SPOCK1: variants seen among roughly 807,000 people sequenced by gnomAD.
The protein encoded by SPOCK1 is SPARC (osteonectin), cwcv and kazal like domains proteoglycan 1.
Under a neutral mutation model 55.3 loss-of-function variants are expected in SPOCK1, and 23 were observed. That is an observed-to-expected ratio of 0.42 (90% confidence interval 0.30 to 0.59). The LOEUF is 0.59. Among genes scored for constraint, SPOCK1 ranks in the 20% least tolerant of loss-of-function variants. The probability of loss-of-function intolerance (pLI) is 0.22; values close to 1 mark genes in which losing one functional copy is unlikely to be tolerated. For missense variants in SPOCK1, 499 were observed against 552.5 expected (o/e 0.90, Z 0.97); for synonymous variants, 226 against 221.0 (o/e 1.02, Z -0.20).
chr5:137,239,110 T>G (rs766738610), intron 3 of SPOCK1, among the ~76,000 whole-genome samples: 8 of 152,204 alleles, frequency 5.3e-5, no homozygotes, highest in Non-Finnish European at 7.3e-5. Flanking sequence ...GCAGCACTAA[T>G]CCCCAATTTC....
At chr5:137,471,499 C>G (rs1034839653) in intron 2 of SPOCK1, among the ~76,000 whole-genome samples, 15 of 152,200 alleles carry the variant, frequency 9.9e-5, no homozygotes, top group African/African-American at 3.4e-4. Context: ...AATTCTCAGT[C>G]AGTAGTCACC....
Position 137,122,253 on chromosome 5 carries a change from A to ACGCGCG in SPOCK1, c.348-9693_348-9692insCGCGCG, listed in dbSNP as rs1268904039. Among the ~76,000 whole-genome samples, 421 of 112,094 alleles carry ACGCGCG rather than the reference A, an allele frequency of 3.8e-3. 1 individual carries two copies. The highest frequency in any genetic ancestry group is 0.018 in the African/African-American group (409 of 23,196). 73.5% of individuals were successfully genotyped at this position (112,094 alleles called of 152,430 possible). ...CAAAAGCAGTTATACACACACACAC[A>ACGCGCG]CACGCACACACACACACACACACAC... On this transcript the variant is annotated intron_variant, in intron 4 of 10. Transcript: ENST00000394945.
intron 6 of SPOCK1, 41 bp downstream of exon 6, chr5:137,067,674 C>A (rs766325018): frequency 1.9e-6 from 3 of 1,563,678 alleles, no homozygotes; most frequent in Admixed American, 1.7e-5. Context: ...TGTGACCCCC[C>A]ATTCCTGCCC....
At chr5:137,349,742 G>A (rs1305913725) in intron 2 of SPOCK1, among the ~76,000 whole-genome samples, 1 of 152,030 alleles carries the variant, frequency 6.6e-6, no homozygotes, top group African/African-American at 2.4e-5. Flanking sequence ...ATCTTCACAT[G>A]GTGTTCTCTC....
chr5:137,269,111 TCA>T (rs1488529810), intron 2 of SPOCK1, among the ~76,000 whole-genome samples: 4 of 139,348 alleles, frequency 2.9e-5, no homozygotes, highest in Non-Finnish European at 4.7e-5. Context: ...TAGGGAAAAA[TCA>T]CAGTTTTAAG....
intron 2 of SPOCK1, among the ~76,000 whole-genome samples, chr5:137,352,895 C>T (rs574771233): frequency 5.6e-4 from 85 of 152,216 alleles, no homozygotes; most frequent in Admixed American, 2.1e-3. Flanking sequence ...TGCAGTGACC[C>T]GTCTCCATAT....
At position 137,242,891 on chromosome 5, in the gene SPOCK1, T is replaced by C. The variant is rs544667160; in HGVS notation, c.232+24119A>G. Among the ~76,000 whole-genome samples, 3 of 152,302 alleles carry C rather than the reference T, an allele frequency of 2.0e-5. No homozygotes were observed. The South Asian group carries it at 6.2e-4, about 32-fold the overall frequency. ...TCATATGTCTTGGAGAAAGAGAATA[T>C]ATATACAAATGCTAACTAATGTGTG... On this transcript the variant is annotated intron_variant, in intron 3 of 10. Coordinates refer to ENST00000394945, the MANE Select transcript of SPOCK1 (RefSeq NM_004598.4).
intron 2 of SPOCK1, among the ~76,000 whole-genome samples, chr5:137,460,358 G>A (rs1753457249): frequency 6.6e-6 from 1 of 152,224 alleles, no homozygotes; most frequent in African/African-American, 2.4e-5. Flanking sequence ...AAGCCCTTAG[G>A]ATATGACGCC....
chr5:136,987,908 G>C (rs562846876), intron 8 of SPOCK1, among the ~76,000 whole-genome samples: 2 of 152,066 alleles, frequency 1.3e-5, no homozygotes, highest in South Asian at 4.1e-4. Flanking sequence ...AAATATCCTG[G>C]TATCTTTTCT....
intron 2 of SPOCK1, among the ~76,000 whole-genome samples, chr5:137,316,623 G>A (rs1453434057): frequency 6.6e-6 from 1 of 152,116 alleles, no homozygotes; most frequent in East Asian, 1.9e-4. Context: ...GAGTATTTTT[G>A]GATGCCTTTA....
chr5:137,084,433 C>A (rs1025535117), intron 5 of SPOCK1, among the ~76,000 whole-genome samples: 3 of 152,084 alleles, frequency 2.0e-5, no homozygotes, highest in South Asian at 2.1e-4. Context: ...TTCTCCCCTG[C>A]CAGACTGAGC....
chr5:137,322,704 C>G (rs1264646132), intron 2 of SPOCK1, among the ~76,000 whole-genome samples: 1 of 150,274 alleles, frequency 6.7e-6, no homozygotes, highest in African/African-American at 2.5e-5. Flanking sequence ...CAAAGCATAT[C>G]CTTACCAAAA....
At chr5:137,374,911 C>T (rs1362697048) in intron 2 of SPOCK1, among the ~76,000 whole-genome samples, 4 of 152,144 alleles carry the variant, frequency 2.6e-5, no homozygotes, top group African/African-American at 4.8e-5. Context: ...TCTGAACCAA[C>T]AAGCTAAACT....
At chr5:137,350,431 C>T (rs1473570331) in intron 2 of SPOCK1, among the ~76,000 whole-genome samples, 1 of 152,226 alleles carries the variant, frequency 6.6e-6, no homozygotes, top group Non-Finnish European at 1.5e-5. Context: ...CTGAGCAAGG[C>T]TTCTGCACCA....
At chr5:137,232,422 C>A (rs999174682) in intron 3 of SPOCK1, among the ~76,000 whole-genome samples, 1 of 152,164 alleles carries the variant, frequency 6.6e-6, no homozygotes, top group Admixed American at 6.5e-5. Context: ...CAGCTGCTCC[C>A]GCATCACTTA....
chr5:137,427,866 GC>G (rs1332748292), intron 2 of SPOCK1, among the ~76,000 whole-genome samples: 1 of 144,808 alleles, frequency 6.9e-6, no homozygotes, highest in African/African-American at 2.6e-5. Context: ...CCGAGATCGC[GC>G]CACTGCACTC....
chr5:137,403,938 G>A (rs1017898887), intron 2 of SPOCK1, among the ~76,000 whole-genome samples: 10 of 152,152 alleles, frequency 6.6e-5, no homozygotes, highest in South Asian at 2.1e-4. Flanking sequence ...TTTCAAAGGC[G>A]CAGTCTGACT....
At chr5:137,284,751 C>T (rs143357748) in intron 2 of SPOCK1, among the ~76,000 whole-genome samples, 1 of 152,064 alleles carries the variant, frequency 6.6e-6, no homozygotes, top group African/African-American at 2.4e-5. Flanking sequence ...TTCCACTGGG[C>T]GCACTAACAC....
chr5:137,216,446 C>T (rs1755717628), intron 3 of SPOCK1, among the ~76,000 whole-genome samples: 2 of 152,230 alleles, frequency 1.3e-5, no homozygotes, highest in African/African-American at 4.8e-5. Context: ...TGCAGTGGCT[C>T]ATGCCTGTAA....
Sources: allele counts gnomAD v4.1 joint callset (sites outside exome capture counted in the v4.1 genomes callset), GRCh38; gene constraint gnomAD v4.1.1; transcripts MANE v1.5; gene names NCBI Gene and HGNC (gene_info 2026-07-23, HGNC 2026-07-21).